Variants in RPS6KC1 observed in about 807,000 individuals in gnomAD.
The protein encoded by RPS6KC1 is inactive ribosomal protein S6 kinase delta-1.
A neutral mutation model predicts 103.8 loss-of-function variants in RPS6KC1; 54 were observed. The observed-to-expected ratio is 0.52, with a 90% CI of 0.42 to 0.65. The LOEUF is 0.65. Among genes scored for constraint, RPS6KC1 ranks in the 30% least tolerant of loss-of-function variants. The pLI, the probability that RPS6KC1 is intolerant of heterozygous loss-of-function variation, is 0.00. For synonymous variants in RPS6KC1, 439 were observed against 438.7 expected (o/e 1.00, Z -0.01); for missense variants, 1,151 against 1,253.8 (o/e 0.92, Z 1.24).
chr1:213,702,888 A>G, the RPS6KC1 span, among the ~76,000 whole-genome samples: 1 of 150,790 alleles, frequency 6.6e-6, no homozygotes, highest in Non-Finnish European at 1.5e-5. Flanking sequence ...CCATTCAACT[A>G]CTTTATGTCT....
At position 213,051,321 on chromosome 1, in the gene RPS6KC1, G is replaced by A. The variant is rs965778394; in HGVS notation, c.-84G>A. On this transcript the variant is annotated 5_prime_UTR_variant, in exon 1 of 15. Coordinates refer to ENST00000366960, the MANE Select transcript of RPS6KC1 (RefSeq NM_012424.6). Reference sequence around the variant, plus strand: ...ACCGCCCCCTCGCCGCTTCGCCGCTGCGTTGGGGAACCTGGACCGCGGCGG... The same window carrying A: ...ACCGCCCCCTCGCCGCTTCGCCGCTACGTTGGGGAACCTGGACCGCGGCGG... 1 of 1,038,358 alleles carries A rather than the reference G, an allele frequency of 9.6e-7. No homozygotes were observed. The highest frequency in any genetic ancestry group is 1.9e-5 in the Admixed American group (1 of 52,648). 64.3% of individuals were successfully genotyped at this position (1,038,358 alleles called of 1,614,324 possible). A position where few individuals can be genotyped will look rare whatever the true frequency, so the allele number is the denominator to read the frequency against.
the RPS6KC1 span, among the ~76,000 whole-genome samples, chr1:213,749,700 G>C: frequency 1.6e-4 from 24 of 151,938 alleles, no homozygotes; most frequent in Admixed American, 3.9e-4. Context: ...ACTACACTTC[G>C]ATGTGGTGTC....
At chr1:213,264,040 A>G (rs1336570225) in intron 14 of RPS6KC1, among the ~76,000 whole-genome samples, 1 of 152,166 alleles carries the variant, frequency 6.6e-6, no homozygotes, top group African/African-American at 2.4e-5. Flanking sequence ...TCTGGAATAG[A>G]GAGATAAATA....
At chr1:213,227,941 A>G (rs1471201029) in intron 8 of RPS6KC1, among the ~76,000 whole-genome samples, 1 of 152,158 alleles carries the variant, frequency 6.6e-6, no homozygotes, top group African/African-American at 2.4e-5. Flanking sequence ...ATTACATCTG[A>G]AAAGGCTTTT....
At chr1:213,151,883 T>A (rs1302988661) in intron 6 of RPS6KC1, among the ~76,000 whole-genome samples, 1 of 61,140 alleles carries the variant, frequency 1.6e-5, no homozygotes, top group East Asian at 5.4e-4. Flanking sequence ...GGGGGGCTGA[T>A]CCCCCAACCT....
At chr1:213,485,250 A>C in the RPS6KC1 span, among the ~76,000 whole-genome samples, 1 of 152,188 alleles carries the variant, frequency 6.6e-6, no homozygotes, top group African/African-American at 2.4e-5. Context: ...GGCTCAGAAC[A>C]CACCACAGTG....
chr1:213,205,568 T>TATATATATATATA (rs1553378518), intron 8 of RPS6KC1, among the ~76,000 whole-genome samples: 1 of 47,674 alleles, frequency 2.1e-5, no homozygotes, highest in Admixed American at 1.6e-4. Flanking sequence ...ATATATATAT[T>TATATATATATATA]TCAAAAGAAT....
chr1:213,256,037 TG>T (rs57769813), intron 12 of RPS6KC1, among the ~76,000 whole-genome samples: 30 of 151,546 alleles, frequency 2.0e-4, no homozygotes, highest in African/African-American at 6.6e-4. Context: ...TCTTCTTTTC[TG>T]GTTTCCATGA....
At chr1:213,191,702 T>A (rs1468947504) in intron 8 of RPS6KC1, among the ~76,000 whole-genome samples, 2 of 152,188 alleles carry the variant, frequency 1.3e-5, no homozygotes, top group Non-Finnish European at 2.9e-5. Flanking sequence ...AAAATGGGCA[T>A]CCTTGTTATA....
the RPS6KC1 span, among the ~76,000 whole-genome samples, chr1:213,680,949 A>G: frequency 6.6e-6 from 1 of 152,190 alleles, no homozygotes; most frequent in Non-Finnish European, 1.5e-5. Context: ...ATATGCATTA[A>G]TTGCATTAAA....
chr1:213,254,394 T>A (rs570400693), intron 12 of RPS6KC1, among the ~76,000 whole-genome samples: 103 of 152,268 alleles, frequency 6.8e-4, no homozygotes, highest in African/African-American at 2.4e-3. Context: ...TACCACCAGG[T>A]AATTAATCTT....
At position 213,071,034 on chromosome 1, in the gene RPS6KC1, TC is replaced by T; in HGVS notation, c.136del (p.Gln46ArgfsTer3). 1 of 1,541,628 alleles carries T rather than the reference TC, an allele frequency of 6.5e-7. No individual in the cohort carries two copies. The highest frequency in any genetic ancestry group is 8.8e-7 in the Non-Finnish European group (1 of 1,132,330). On this transcript the variant is annotated frameshift_variant, in exon 2 of 15. Coordinates refer to ENST00000366960, the MANE Select transcript of RPS6KC1 (RefSeq NM_012424.6). LOFTEE classifies it high-confidence loss of function. ...GTTTCACGAAGAAATCCAGAGGATG[TC>T]CAGGAGGTAACATTTATATGAAGAT... Reference protein sequence around the residue: ...RVVSRRNPEDVQEIIVWKRYS... With the variant: ...RVVSRRNPEDXQEIIVWKRYS...
the RPS6KC1 span, among the ~76,000 whole-genome samples, chr1:213,569,586 A>G: frequency 7.9e-5 from 12 of 151,950 alleles, no homozygotes; most frequent in East Asian, 9.7e-4. Context: ...TTTTTTTTCA[A>G]TAGGAGTTGG....
the RPS6KC1 span, among the ~76,000 whole-genome samples, chr1:213,793,425 C>T: frequency 6.6e-6 from 1 of 152,196 alleles, no homozygotes; most frequent in Non-Finnish European, 1.5e-5. Context: ...TAATAATTAA[C>T]AGGCTCTCAT....
At chr1:213,531,323 C>T in the RPS6KC1 span, among the ~76,000 whole-genome samples, 1 of 152,160 alleles carries the variant, frequency 6.6e-6, no homozygotes, top group African/African-American at 2.4e-5. Context: ...AAACACCTTT[C>T]CTATTTGGAA....
the RPS6KC1 span, among the ~76,000 whole-genome samples, chr1:213,367,719 A>T: frequency 0.031 from 4,699 of 152,300 alleles, 256 homozygotes; most frequent in African/African-American, 0.11. Flanking sequence ...AGACAGCAGA[A>T]AAGCAGGGGT....
chr1:213,128,258 A>C (rs1039097272), intron 5 of RPS6KC1, among the ~76,000 whole-genome samples: 1 of 152,208 alleles, frequency 6.6e-6, no homozygotes, highest in Admixed American at 6.5e-5. Context: ...CAGTGCAAAA[A>C]TGTAAAACAA....
the RPS6KC1 span, among the ~76,000 whole-genome samples, chr1:213,664,248 C>A: frequency 6.7e-6 from 1 of 148,378 alleles, no homozygotes; most frequent in Non-Finnish European, 1.5e-5. Flanking sequence ...GAGGGGGCAG[C>A]GGGAAGCAGG....
intron 3 of RPS6KC1, among the ~76,000 whole-genome samples, chr1:213,081,058 T>C (rs1367879607): frequency 6.6e-6 from 1 of 152,232 alleles, no homozygotes; most frequent in African/African-American, 2.4e-5. Flanking sequence ...GTTTGCTAAA[T>C]ATTTGGACCA....
Sources: gnomAD v4.1 joint callset for allele counts (sites outside exome capture counted in the v4.1 genomes callset) on GRCh38, gnomAD v4.1.1 for gene constraint, MANE v1.5 for transcripts, NCBI Gene and HGNC (gene_info 2026-07-23, HGNC 2026-07-21) for gene names.